TLK2: variants seen among roughly 807,000 people sequenced by gnomAD.
The protein encoded by TLK2 is tousled like kinase 2, also known as serine/threonine-protein kinase tousled-like 2.
A neutral mutation model predicts 117.3 loss-of-function variants in TLK2; 6 were observed. The observed-to-expected ratio is 0.05, with a 90% CI of 0.03 to 0.10. TLK2 has a LOEUF of 0.10. Among genes scored for constraint, TLK2 ranks in the 10% least tolerant of loss-of-function variants. TLK2 has a pLI of 1.00. For missense variants in TLK2, 299 were observed against 901.2 expected (o/e 0.33, Z 8.56); for synonymous variants, 257 against 316.7 (o/e 0.81, Z 2.00).
chr17:62,522,781 T>C (rs939769872), intron 4 of TLK2, among the ~76,000 whole-genome samples: 2 of 152,208 alleles, frequency 1.3e-5, no homozygotes, highest in African/African-American at 2.4e-5. Flanking sequence ...CTTGGCTTTT[T>C]TTCCTCCCAT....
At chr17:62,565,584 G>A (rs1046106309) in intron 11 of TLK2, among the ~76,000 whole-genome samples, 5 of 148,708 alleles carry the variant, frequency 3.4e-5, no homozygotes, top group Non-Finnish European at 7.4e-5. Flanking sequence ...CCTGGGAGGT[G>A]GAGGTTGCAG....
chr17:62,573,663 T>C (rs1483664908), intron 12 of TLK2, among the ~76,000 whole-genome samples: 2 of 152,222 alleles, frequency 1.3e-5, no homozygotes, highest in Non-Finnish European at 2.9e-5. Context: ...TGAAATGATA[T>C]TATTGCTTAC....
At chr17:62,562,350 G>C (rs1467010651) in intron 10 of TLK2, among the ~76,000 whole-genome samples, 1 of 152,174 alleles carries the variant, frequency 6.6e-6, no homozygotes, top group East Asian at 1.9e-4. Flanking sequence ...AGTAGAATGA[G>C]ACTGTCTCAA....
At chr17:62,565,513 C>T (rs936183276) in intron 11 of TLK2, among the ~76,000 whole-genome samples, 13 of 151,842 alleles carry the variant, frequency 8.6e-5, no homozygotes, top group African/African-American at 3.1e-4. Flanking sequence ...ATTAGCCAGG[C>T]GTGGTGGCAG....
chr17:62,565,774 A>T (rs1264699283), intron 11 of TLK2, among the ~76,000 whole-genome samples: 1 of 152,112 alleles, frequency 6.6e-6, no homozygotes, highest in East Asian at 1.9e-4. Flanking sequence ...ATGAATTTTC[A>T]TTAAGAGTCT....
rs1463416691 is a variant in TLK2 at position 62,479,096 on chromosome 17, T to G, written c.-200T>G. The G allele has an allele frequency of 1.3e-5, 2 of 149,824 alleles. No individual in the cohort carries two copies. The highest frequency in any genetic ancestry group is 4.8e-5 in the African/African-American group (2 of 41,300). 9.3% of individuals were successfully genotyped at this position (149,824 alleles called of 1,614,324 possible). A position where few individuals can be genotyped will look rare whatever the true frequency, so the allele number is the denominator to read the frequency against. ...CGAGCCCGGGGATCTGCGGCCTTCG[T>G]GCCCCCCCTCCCCCGCCCGCCCTCT... On this transcript the variant is annotated 5_prime_UTR_variant, in exon 1 of 22. Coordinates refer to ENST00000346027, the MANE Select transcript of TLK2 (RefSeq NM_006852.6).
intron 2 of TLK2, among the ~76,000 whole-genome samples, chr17:62,486,062 T>C (rs370773665): frequency 6.6e-5 from 10 of 151,986 alleles, no homozygotes; most frequent in Admixed American, 3.9e-4. Flanking sequence ...CCTCGTGATC[T>C]GCCCACCTTG....
chr17:62,596,451 A>G, intron 16 of TLK2, 134 bp from the exon 17 acceptor site: 1 of 640,622 alleles, frequency 1.6e-6, no homozygotes, highest in Non-Finnish European at 2.7e-6. Context: ...AAGTCAGATG[A>G]GGGACCAGAT....
chr17:62,558,659 T>A (rs941259685), intron 9 of TLK2, among the ~76,000 whole-genome samples: 5 of 152,250 alleles, frequency 3.3e-5, no homozygotes, highest in Non-Finnish European at 7.3e-5. Context: ...GCTTCGTAGA[T>A]TCTTTACTAT....
At chr17:62,610,771 G>C (rs1250430704) in intron 21 of TLK2, among the ~76,000 whole-genome samples, 1 of 152,172 alleles carries the variant, frequency 6.6e-6, no homozygotes, top group East Asian at 1.9e-4. Flanking sequence ...GGCAGTTGCA[G>C]GTTTTAATCA....
intron 7 of TLK2, among the ~76,000 whole-genome samples, chr17:62,540,147 AGGCTGTT>A (rs1344606494): frequency 1.6e-5 from 2 of 126,492 alleles, no homozygotes; most frequent in East Asian, 4.5e-4. Flanking sequence ...TGTGTTACCT[AGGCTGTT>A]CTTGAACACC....
chr17:62,601,598 T>C (rs929873270), intron 18 of TLK2, among the ~76,000 whole-genome samples: 1 of 152,230 alleles, frequency 6.6e-6, no homozygotes, highest in Non-Finnish European at 1.5e-5. Flanking sequence ...TTCAACACTT[T>C]CCTGCAATGG....
At chr17:62,485,458 C>T (rs2072230838) in intron 2 of TLK2, among the ~76,000 whole-genome samples, 1 of 152,170 alleles carries the variant, frequency 6.6e-6, no homozygotes, top group African/African-American at 2.4e-5. Context: ...TTAAGTTGCT[C>T]ATTACCTATA....
At chr17:62,494,779 G>A (rs1457642800) in intron 2 of TLK2, among the ~76,000 whole-genome samples, 1 of 152,218 alleles carries the variant, frequency 6.6e-6, no homozygotes, top group Non-Finnish European at 1.5e-5. Context: ...CATAGCTGAG[G>A]ATGGATATGC....
At chr17:62,522,139 C>A in intron 3 of TLK2, 65 bp from the exon 4 acceptor site, 1 of 1,536,228 alleles carries the variant, frequency 6.5e-7, no homozygotes, top group South Asian at 1.2e-5. Flanking sequence ...TGTGTATACT[C>A]GCTGTTTTTC....
chr17:62,500,649 ACT>A (rs2074110833), intron 2 of TLK2, among the ~76,000 whole-genome samples: 1 of 152,200 alleles, frequency 6.6e-6, no homozygotes, highest in East Asian at 1.9e-4. Flanking sequence ...TTTATAGAAC[ACT>A]CTGCCCACAT....
At chr17:62,597,189 T>A (rs1160924117) in intron 17 of TLK2, 1 of 153,084 alleles carries the variant, frequency 6.5e-6, no homozygotes, top group Non-Finnish European at 1.5e-5. Flanking sequence ...CCCTCTGCCC[T>A]AGCCCTAATC....
chr17:62,567,406 T>C (rs1208260157), intron 11 of TLK2, among the ~76,000 whole-genome samples: 1 of 152,218 alleles, frequency 6.6e-6, no homozygotes, highest in African/African-American at 2.4e-5. Context: ...TGAGACTATG[T>C]AAATGAAATC....
At chr17:62,599,384 G>C (rs1339955211) in intron 17 of TLK2, among the ~76,000 whole-genome samples, 1 of 152,216 alleles carries the variant, frequency 6.6e-6, no homozygotes, top group African/African-American at 2.4e-5. Flanking sequence ...CATAGCGCTA[G>C]ACCTGAGTCT....
Sources: allele counts gnomAD v4.1 joint callset (sites outside exome capture counted in the v4.1 genomes callset), GRCh38; gene constraint gnomAD v4.1.1; transcripts MANE v1.5; gene names NCBI Gene and HGNC (gene_info 2026-07-23, HGNC 2026-07-21).